PARN: variants seen among roughly 807,000 people sequenced by gnomAD.
PARN encodes poly(A)-specific ribonuclease, also known as poly(A)-specific ribonuclease PARN.
A neutral mutation model predicts 102.8 loss-of-function variants in PARN; 71 were observed. The ratio of observed to expected loss-of-function variants is 0.69; its 90% CI spans 0.57 to 0.84. The LOEUF (loss-of-function observed/expected upper bound fraction) is 0.84. PARN is among the 40% of genes least tolerant of loss of function. PARN has a pLI of 0.00. For synonymous variants in PARN, 261 were observed against 252.9 expected (o/e 1.03, Z -0.30); for missense variants, 782 against 760.9 (o/e 1.03, Z -0.33).
rs573923968 is a variant in PARN at position 14,570,784 on chromosome 16, C to T, written c.1262+10090G>A. ...CTTGAGCCCAGGAGGTCAAGACCAGCGAGGGCAACGTAATGAGGCCCCCAC... is the reference window on the plus strand; with the variant it reads ...CTTGAGCCCAGGAGGTCAAGACCAGTGAGGGCAACGTAATGAGGCCCCCAC... On this transcript the variant is annotated intron_variant, in intron 18 of 23. Coordinates refer to ENST00000437198, the MANE Select transcript of PARN (RefSeq NM_002582.4). 2.2e-5 allele frequency among the ~76,000 whole-genome samples: 3 copies of T among 139,442 alleles called. 1 individual carries two copies. The highest frequency in any genetic ancestry group is 4.4e-4 in the South Asian group (2 of 4,506). 91.5% of individuals were successfully genotyped at this position (139,442 alleles called of 152,430 possible).
intron 16 of PARN, 86 bp from the exon 17 acceptor site, chr16:14,582,377 T>C (rs1969586994): frequency 4.7e-6 from 4 of 847,662 alleles, no homozygotes; most frequent in Non-Finnish European, 8.2e-6. Flanking sequence ...TAGCATATGC[T>C]AGAGAAATAC....
chr16:14,543,013 C>G (rs9924513), intron 21 of PARN, among the ~76,000 whole-genome samples: 1,543 of 152,264 alleles, frequency 0.01, 32 homozygotes, highest in African/African-American at 0.035. Flanking sequence ...AAGAAAGCTA[C>G]GCCTACGTGC....
rs1971290347 is a variant in PARN, at chr16:14,607,870, C to G, written c.659+411G>C. 2.0e-5 allele frequency among the ~76,000 whole-genome samples: 3 copies of G among 152,290 alleles called. No homozygotes were observed. The South Asian group carries it at 6.2e-4, about 32-fold the overall frequency. On this transcript the variant is annotated intron_variant, in intron 9 of 23. Transcript: ENST00000437198. The stretch of plus-strand genomic sequence containing the variant: ...GGAAACATCCTTGGAAAAATACACA[C>G]ACAAAAGTCTGGATGTTATTTCAGG...
intron 22 of PARN, among the ~76,000 whole-genome samples, chr16:14,449,577 G>A (rs1216553530): frequency 2.0e-5 from 3 of 152,132 alleles, no homozygotes; most frequent in Non-Finnish European, 4.4e-5. Flanking sequence ...GACAAACCAC[G>A]AGGAAATATC....
chr16:14,559,624 G>A (rs908492657), intron 18 of PARN, among the ~76,000 whole-genome samples: 2 of 151,790 alleles, frequency 1.3e-5, no homozygotes, highest in Non-Finnish European at 2.9e-5. Flanking sequence ...TCACCCTGTT[G>A]TGCTATCAAA....
chr16:14,437,010 G>T (rs1294011311), intron 23 of PARN, among the ~76,000 whole-genome samples: 3 of 152,334 alleles, frequency 2.0e-5, no homozygotes, highest in African/African-American at 7.2e-5. Context: ...GCACCTCCCT[G>T]CCTCCAGCAT....
chr16:14,497,419 T>C (rs1247820827), intron 21 of PARN, among the ~76,000 whole-genome samples: 1 of 152,200 alleles, frequency 6.6e-6, no homozygotes, highest in Non-Finnish European at 1.5e-5. Flanking sequence ...TCAAGTTGGG[T>C]CCTTTCACCT....
intron 22 of PARN, among the ~76,000 whole-genome samples, chr16:14,472,263 T>C (rs1962791061): frequency 6.6e-6 from 1 of 152,250 alleles, no homozygotes; most frequent in East Asian, 1.9e-4. Context: ...CTGCACACTT[T>C]AAAATTCTGC....
intron 6 of PARN, among the ~76,000 whole-genome samples, chr16:14,616,389 C>A (rs1596880949): frequency 6.6e-6 from 1 of 152,332 alleles, no homozygotes; most frequent in East Asian, 1.9e-4. Flanking sequence ...CATTATCAAT[C>A]GTGCAGTCTC....
intron 21 of PARN, among the ~76,000 whole-genome samples, chr16:14,507,724 T>C (rs534223784): frequency 2.1e-4 from 32 of 152,106 alleles, no homozygotes; most frequent in African/African-American, 7.2e-4. Flanking sequence ...TAATTTCCCA[T>C]TTGCAGCTCT....
At chr16:14,480,189 C>T (rs765170324) in intron 22 of PARN, among the ~76,000 whole-genome samples, 9 of 151,840 alleles carry the variant, frequency 5.9e-5, no homozygotes, top group Admixed American at 5.3e-4. Flanking sequence ...AAAAATTACG[C>T]GGGCGTGGTG....
At chr16:14,518,949 C>T (rs1003415382) in intron 21 of PARN, among the ~76,000 whole-genome samples, 1 of 152,062 alleles carries the variant, frequency 6.6e-6, no homozygotes, top group Non-Finnish European at 1.5e-5. Flanking sequence ...CCTAGAGATA[C>T]ACTAAGGTGG....
At chr16:14,609,153 A>C in intron 7 of PARN, 30 bp from the exon 8 acceptor site, 1 of 1,062,298 alleles carries the variant, frequency 9.4e-7, no homozygotes, top group Non-Finnish European at 1.4e-6. Flanking sequence ...CATAACCATC[A>C]GTACCTTTAA....
chr16:14,532,584 C>T (rs1049214457), intron 21 of PARN, among the ~76,000 whole-genome samples: 6 of 152,114 alleles, frequency 3.9e-5, no homozygotes, highest in African/African-American at 9.7e-5. Context: ...ACAGACACGG[C>T]AACCATCCGA....
intron 22 of PARN, among the ~76,000 whole-genome samples, chr16:14,459,611 C>T (rs962530470): frequency 1.3e-5 from 2 of 152,160 alleles, no homozygotes; most frequent in African/African-American, 4.8e-5. Flanking sequence ...TTTACAGGTT[C>T]AACACAATTC....
chr16:14,510,721 C>T (rs1375657197), intron 21 of PARN, among the ~76,000 whole-genome samples: 4 of 152,188 alleles, frequency 2.6e-5, no homozygotes, highest in African/African-American at 4.8e-5. Context: ...CTCCAGTCCT[C>T]GGCTGCCAAC....
At chr16:14,523,546 C>T (rs748655242) in intron 21 of PARN, among the ~76,000 whole-genome samples, 1 of 152,158 alleles carries the variant, frequency 6.6e-6, no homozygotes, top group South Asian at 2.1e-4. Flanking sequence ...TGCTTTCTGC[C>T]CCATTTCTCC....
chr16:14,588,777 G>A (rs1338901187), intron 13 of PARN, among the ~76,000 whole-genome samples: 1 of 152,106 alleles, frequency 6.6e-6, no homozygotes, highest in Non-Finnish European at 1.5e-5. Context: ...AGCTACTTGA[G>A]AGACTGAGAC....
chr16:14,577,421 C>A (rs1041467521), intron 18 of PARN, among the ~76,000 whole-genome samples: 3 of 152,166 alleles, frequency 2.0e-5, no homozygotes, highest in African/African-American at 7.2e-5. Flanking sequence ...TTGGTCTCCT[C>A]TTCCCAGACT....
Sources: allele counts gnomAD v4.1 joint callset (sites outside exome capture counted in the v4.1 genomes callset), GRCh38; gene constraint gnomAD v4.1.1; transcripts MANE v1.5; gene names NCBI Gene and HGNC (gene_info 2026-07-23, HGNC 2026-07-21).